The following KCNK9 variants were observed in gnomAD, a reference collection of about 807,000 sequenced individuals.
KCNK9 encodes potassium channel subfamily K member 9.
Under a neutral mutation model 10.8 loss-of-function variants are expected in KCNK9, and 1 was observed. The ratio of observed to expected loss-of-function variants is 0.09; its 90% CI spans 0.03 to 0.44. KCNK9 has a LOEUF of 0.44. Ranked by LOEUF, KCNK9 falls within the 20% of genes least tolerant of loss-of-function variation. KCNK9 has a pLI of 0.97. For synonymous variants in KCNK9, 231 were observed against 222.7 expected (o/e 1.04, Z -0.33); for missense variants, 303 against 515.0 (o/e 0.59, Z 3.98).
intron 1 of KCNK9, among the ~76,000 whole-genome samples, chr8:139,640,716 G>A (rs143273701): frequency 6.6e-6 from 1 of 152,340 alleles, no homozygotes; most frequent in East Asian, 1.9e-4. Flanking sequence ...AAATTCAGGA[G>A]GGTCCAAGAA....
intron 1 of KCNK9, among the ~76,000 whole-genome samples, chr8:139,645,744 C>G (rs1177884602): frequency 6.6e-6 from 1 of 152,170 alleles, no homozygotes; most frequent in South Asian, 2.1e-4. Context: ...AGCCATCCAT[C>G]CTGAGCACCT....
chr8:139,647,170 G>A (rs1476866014), intron 1 of KCNK9, among the ~76,000 whole-genome samples: 1 of 152,240 alleles, frequency 6.6e-6, no homozygotes, highest in Non-Finnish European at 1.5e-5. Context: ...CACTCCACAG[G>A]GTGGAACAGG....
rs1814658991 is a variant in KCNK9, at chr8:139,618,217, C to CTA, written c.*39_*40dup. ...TTGGACCAATGGAAATTAACACCAA[C>CTA]TATGACAAATGACTTTTCTGTCCCA... On this transcript the variant is annotated 3_prime_UTR_variant, in exon 2 of 2. Transcript: ENST00000520439. This position sits in a 1 kb window ranked among gnomAD's most constrained non-coding sequence, Gnocchi z 7.9. 1 of 1,613,768 alleles carries CTA rather than the reference C, an allele frequency of 6.2e-7. No individual in the cohort carries two copies. Among genetic ancestry groups the CTA allele is most frequent in the African/African-American group, 1.3e-5 (1 of 74,922 alleles).
At chr8:139,613,045 T>C (rs1814479993), downstream of KCNK9, among the ~76,000 whole-genome samples, 1 of 152,224 alleles carries the variant, frequency 6.6e-6, no homozygotes, top group Admixed American at 6.5e-5. Context: ...GGGATTTACA[T>C]ACAGTCTGTA....
At chr8:139,650,374 CACACAGTG>C (rs1815826906) in intron 1 of KCNK9, among the ~76,000 whole-genome samples, 1 of 152,214 alleles carries the variant, frequency 6.6e-6, no homozygotes, top group Non-Finnish European at 1.5e-5. Context: ...CGACCTGGCA[CACACAGTG>C]CTTTAGTAAG....
rs1563751675 is a variant in KCNK9, at chr8:139,687,387, TATATATGTGTATA to T, written c.283+15310_283+15322del. Among the ~76,000 whole-genome samples the T allele has an allele frequency of 1.7e-3, 212 of 122,862 alleles. 32 individuals are homozygous for T. Among genetic ancestry groups the T allele is most frequent in the South Asian group, 2.4e-3 (9 of 3,728 alleles). The allele number at this position is 122,862 out of a possible 152,430, so 80.6% of individuals were successfully genotyped here. Reference sequence around the variant, plus strand: ...ATATATGTGTATACATATATATGAATATATATGTGTATACATATATATTCATATATGTGTATAC... The same window carrying T: ...ATATATGTGTATACATATATATGAATCATATATATTCATATATGTGTATAC... On this transcript the variant is annotated intron_variant, in intron 1 of 1. Coordinates refer to ENST00000520439, the MANE Select transcript of KCNK9 (RefSeq NM_001282534.2).
At chr8:139,667,883 TAAA>T (rs4058468) in intron 1 of KCNK9, among the ~76,000 whole-genome samples, 40 of 146,384 alleles carry the variant, frequency 2.7e-4, no homozygotes, top group Admixed American at 4.7e-4. Flanking sequence ...TCCGTCTTAA[TAAA>T]AAAAAAAAAA....
chr8:139,649,282 C>T (rs938176350), intron 1 of KCNK9, among the ~76,000 whole-genome samples: 11 of 152,182 alleles, frequency 7.2e-5, no homozygotes, highest in African/African-American at 1.9e-4. Flanking sequence ...CTGAGTGGCG[C>T]GTCAGAAGCG....
intron 2 of KCNK9, among the ~76,000 whole-genome samples, chr8:139,605,279 C>T (rs1817460822): frequency 6.6e-6 from 1 of 152,190 alleles, no homozygotes; most frequent in Non-Finnish European, 1.5e-5. Context: ...AGGTCAAACT[C>T]TTGGTTTGGT....
At chr8:139,646,598 AGT>A (rs1036274055) in intron 1 of KCNK9, among the ~76,000 whole-genome samples, 9 of 152,372 alleles carry the variant, frequency 5.9e-5, no homozygotes, top group African/African-American at 1.9e-4. Flanking sequence ...GTAAATGGAC[AGT>A]GCCCTAAAGG....
chr8:139,692,999 T>G (rs1467706314), intron 1 of KCNK9, among the ~76,000 whole-genome samples: 7 of 151,582 alleles, frequency 4.6e-5, no homozygotes, highest in Admixed American at 4.6e-4. Context: ...GAGGCTCACC[T>G]CAGGCCCACC....
chr8:139,645,110 G>A (rs1815634896), intron 1 of KCNK9, among the ~76,000 whole-genome samples: 1 of 152,198 alleles, frequency 6.6e-6, no homozygotes, highest in African/African-American at 2.4e-5. Flanking sequence ...GAGAGTGCAA[G>A]CCATAGACCA....
At chr8:139,611,010 G>T (rs946770662), downstream of KCNK9, among the ~76,000 whole-genome samples, 1 of 152,232 alleles carries the variant, frequency 6.6e-6, no homozygotes, top group African/African-American at 2.4e-5. Context: ...CTCCTCTAAG[G>T]CTCGCCTCAG....
chr8:139,678,272 C>CGT (rs1816608989), intron 1 of KCNK9, among the ~76,000 whole-genome samples: 1 of 152,224 alleles, frequency 6.6e-6, no homozygotes, highest in Non-Finnish European at 1.5e-5. Flanking sequence ...GTCGTGGAAG[C>CGT]GTCTTTCCTG....
At chr8:139,625,050 C>CCTGGCCCCTCCCAGAA (rs1814924245) in intron 1 of KCNK9, among the ~76,000 whole-genome samples, 1 of 152,218 alleles carries the variant, frequency 6.6e-6, no homozygotes, top group African/African-American at 2.4e-5. Context: ...AGCCCCCTCA[C>CCTGGCCCCTCCCAGAA]CTGGCCCCTC....
chr8:139,677,876 G>A lies in KCNK9; in HGVS notation c.283+24834C>T, dbSNP rs754318293. Among the ~76,000 whole-genome samples the A allele has an allele frequency of 4.6e-4, 44 of 94,904 alleles. 1 individual carries two copies. Among genetic ancestry groups the A allele is most frequent in the African/African-American group, 1.5e-3 (40 of 25,898 alleles). The allele number at this position is 94,904 out of a possible 152,430, so 62.3% of individuals were successfully genotyped here. On this transcript the variant is annotated intron_variant, in intron 1 of 1. Transcript: ENST00000520439. ...CCCAGCCCAAGGGGTCCCCATGGCT[G>A]CAGAGGAATGCCTCACATCTGAGCC...
intron 1 of KCNK9, among the ~76,000 whole-genome samples, chr8:139,681,043 C>T (rs746667908): frequency 9.2e-5 from 14 of 152,204 alleles, no homozygotes; most frequent in Non-Finnish European, 1.3e-4. Context: ...CCAACAGCCT[C>T]TAGCACAGCA....
At position 139,679,481 on chromosome 8, in the gene KCNK9, T is replaced by A. The variant is rs182453572; in HGVS notation, c.283+23229A>T. 8.4e-3 allele frequency among the ~76,000 whole-genome samples: 1,287 copies of A among 152,336 alleles called. 11 individuals carry two copies. The highest frequency in any genetic ancestry group is 0.014 in the Middle Eastern group (4 of 294). On this transcript the variant is annotated intron_variant, in intron 1 of 1. Coordinates refer to ENST00000520439, the MANE Select transcript of KCNK9 (RefSeq NM_001282534.2). ...CTGGTCAGATTTTTCTAACAAGAAGTCAACACAGTCTAGCGATCATTCAGC... is the reference window on the plus strand; with the variant it reads ...CTGGTCAGATTTTTCTAACAAGAAGACAACACAGTCTAGCGATCATTCAGC...
intron 1 of KCNK9, among the ~76,000 whole-genome samples, chr8:139,621,983 G>A (rs1051956917): frequency 5.9e-5 from 9 of 152,218 alleles, no homozygotes; most frequent in Non-Finnish European, 8.8e-5. Context: ...CCCCCACCCT[G>A]ACTTCTGTTC....
Sources: allele counts gnomAD v4.1 joint callset (sites outside exome capture counted in the v4.1 genomes callset), GRCh38; gene constraint gnomAD v4.1.1; non-coding constraint Gnocchi (gnomAD v3.1); transcripts MANE v1.5; gene names NCBI Gene and HGNC (gene_info 2026-07-23, HGNC 2026-07-21).